The following TAFA1 variants were observed in gnomAD, a reference collection of about 807,000 sequenced individuals.
TAFA1 encodes the protein chemokine-like protein TAFA-1.
Under a neutral mutation model 18.5 loss-of-function variants are expected in TAFA1, and 4 were observed. That is an observed-to-expected ratio of 0.22 (90% CI 0.11 to 0.49). The LOEUF is 0.49. Ranked by LOEUF, TAFA1 falls within the 20% of genes least tolerant of loss-of-function variation. TAFA1 has a pLI of 0.98. For missense variants in TAFA1, 147 were observed against 169.0 expected (o/e 0.87, Z 0.72); for synonymous variants, 56 against 55.2 (o/e 1.01, Z -0.06).
At chr3:68,271,008 G>T (rs866309670) in intron 2 of TAFA1, among the ~76,000 whole-genome samples, 7 of 152,064 alleles carry the variant, frequency 4.6e-5, no homozygotes, top group Middle Eastern at 3.2e-3. Flanking sequence ...AATCTAAACT[G>T]CTTAAGCCGA....
chr3:68,494,254 A>G (rs2072503370), intron 3 of TAFA1, among the ~76,000 whole-genome samples: 2 of 152,090 alleles, frequency 1.3e-5, no homozygotes, highest in African/African-American at 4.8e-5. Flanking sequence ...GGTGCACATC[A>G]CCACACCTGG....
At chr3:68,415,646 T>C (rs13082470) in intron 2 of TAFA1, among the ~76,000 whole-genome samples, 23,712 of 152,098 alleles carry the variant, frequency 0.16, 2,427 homozygotes, top group East Asian at 0.35. Flanking sequence ...AAATAATATC[T>C]AGTCACTCTG....
At chr3:68,338,706 A>G (rs1277937884) in intron 2 of TAFA1, among the ~76,000 whole-genome samples, 1 of 152,220 alleles carries the variant, frequency 6.6e-6, no homozygotes, top group Non-Finnish European at 1.5e-5. Flanking sequence ...TACATAAACT[A>G]TCATGAAGAA....
At chr3:68,464,534 C>A (rs1478912210) in intron 3 of TAFA1, among the ~76,000 whole-genome samples, 4 of 152,148 alleles carry the variant, frequency 2.6e-5, no homozygotes, top group Admixed American at 2.0e-4. Flanking sequence ...ATCAGAAGCC[C>A]CTTCTGGTTG....
At chr3:68,242,321 TTAAA>T (rs1270741505) in intron 2 of TAFA1, among the ~76,000 whole-genome samples, 1 of 152,168 alleles carries the variant, frequency 6.6e-6, no homozygotes, top group Non-Finnish European at 1.5e-5. Context: ...ACTGATCCTT[TTAAA>T]AGTTTGCTCT....
intron 2 of TAFA1, among the ~76,000 whole-genome samples, chr3:68,338,871 A>C (rs1214247407): frequency 6.6e-6 from 1 of 152,162 alleles, no homozygotes; most frequent in Non-Finnish European, 1.5e-5. Context: ...AGCTTGATCT[A>C]AGCAAGGCTT....
chr3:68,216,570 A>T (rs1216625844), intron 2 of TAFA1, among the ~76,000 whole-genome samples: 2 of 152,114 alleles, frequency 1.3e-5, no homozygotes, highest in Non-Finnish European at 1.5e-5. Context: ...ATTGTTATAC[A>T]CGTATATTTC....
At chr3:68,293,982 T>C (rs1365689453) in intron 2 of TAFA1, among the ~76,000 whole-genome samples, 1 of 152,194 alleles carries the variant, frequency 6.6e-6, no homozygotes, top group African/African-American at 2.4e-5. Context: ...AGATTTAGGA[T>C]TTTTTGTTCA....
intron 3 of TAFA1, among the ~76,000 whole-genome samples, chr3:68,522,953 G>A (rs1245337155): frequency 1.3e-5 from 2 of 152,204 alleles, no homozygotes; most frequent in Non-Finnish European, 1.5e-5. Context: ...GTGTGCACCT[G>A]TGATCTCAGC....
upstream of TAFA1, among the ~76,000 whole-genome samples, chr3:68,001,885 G>T (rs1229045230): frequency 6.6e-6 from 1 of 152,138 alleles, no homozygotes; most frequent in Non-Finnish European, 1.5e-5. Flanking sequence ...CTCTGCTCAA[G>T]GACTCAGGCT....
At chr3:68,332,361 A>T (rs1419255238) in intron 2 of TAFA1, among the ~76,000 whole-genome samples, 1 of 152,140 alleles carries the variant, frequency 6.6e-6, no homozygotes, top group African/African-American at 2.4e-5. Context: ...TTTGACAATA[A>T]TTTTTTGGCC....
At chr3:68,136,323 A>C (rs927406737) in intron 2 of TAFA1, among the ~76,000 whole-genome samples, 3 of 152,202 alleles carry the variant, frequency 2.0e-5, no homozygotes, top group African/African-American at 4.8e-5. Flanking sequence ...GGTTCGGTTA[A>C]ATATGCATGC....
At chr3:68,137,190 C>G (rs1553644261) in intron 2 of TAFA1, among the ~76,000 whole-genome samples, 1 of 150,544 alleles carries the variant, frequency 6.6e-6, no homozygotes, top group Non-Finnish European at 1.5e-5. Context: ...CAAAGCAAAA[C>G]AAAAAAACCT....
intron 3 of TAFA1, among the ~76,000 whole-genome samples, chr3:68,419,068 G>A (rs999296880): frequency 3.9e-5 from 6 of 152,080 alleles, no homozygotes; most frequent in Non-Finnish European, 5.9e-5. Context: ...TCCTCGCCTC[G>A]TGAACCTCTC....
intron 3 of TAFA1, among the ~76,000 whole-genome samples, chr3:68,480,103 T>C (rs1274607468): frequency 6.6e-6 from 1 of 152,024 alleles, no homozygotes; most frequent in Non-Finnish European, 1.5e-5. Context: ...ATATAAATTC[T>C]TGGGGTTGGC....
In TAFA1 at chr3:68,004,634, A is replaced by G. The variant is rs1704327411; in HGVS notation, c.-72A>G. On this transcript the variant is annotated 5_prime_UTR_variant, in exon 1 of 5. Transcript: ENST00000478136. ...AAATTTTAAATTGTGGCACAGATGG[A>G]TTTTAAAAAGTGTTAGATCTTTCCA... 1 of 151,834 alleles carries G rather than the reference A, an allele frequency of 6.6e-6. No individual in the cohort carries two copies. The highest frequency in any genetic ancestry group is 2.4e-5 in the African/African-American group (1 of 41,308). 9.4% of individuals were successfully genotyped at this position (151,834 alleles called of 1,614,324 possible).
chr3:68,073,920 TG>T, intron 2 of TAFA1, among the ~76,000 whole-genome samples: 1 of 152,228 alleles, frequency 6.6e-6, no homozygotes, highest in South Asian at 2.1e-4. Flanking sequence ...GTGGGGGATA[TG>T]GTTTTGGGAT....
chr3:68,243,679 G>A (rs1016170168), intron 2 of TAFA1, among the ~76,000 whole-genome samples: 1 of 152,096 alleles, frequency 6.6e-6, no homozygotes, highest in Non-Finnish European at 1.5e-5. Context: ...ATGGACCACA[G>A]TTTGATTAGC....
intron 3 of TAFA1, among the ~76,000 whole-genome samples, chr3:68,495,716 C>T (rs1279284481): frequency 1.3e-5 from 2 of 151,926 alleles, no homozygotes; most frequent in Non-Finnish European, 2.9e-5. Flanking sequence ...AGGCATGGCC[C>T]GAGGACAGGT....
Sources: gnomAD v4.1 joint callset for allele counts (sites outside exome capture counted in the v4.1 genomes callset) on GRCh38, gnomAD v4.1.1 for gene constraint, MANE v1.5 for transcripts, NCBI Gene and HGNC (gene_info 2026-07-23, HGNC 2026-07-21) for gene names.